CASS4: variants seen among roughly 807,000 people sequenced by gnomAD.
CASS4 encodes Cas scaffold protein family member 4, also known as cas scaffolding protein family member 4.
Under a neutral mutation model 54.2 loss-of-function variants are expected in CASS4, and 22 were observed. The ratio of observed to expected loss-of-function variants is 0.41; its 90% CI spans 0.29 to 0.58. The LOEUF is 0.58. CASS4 is among the 20% of genes least tolerant of loss of function. The pLI is 0.36. For missense variants in CASS4, 854 were observed against 986.7 expected (o/e 0.87, Z 1.80); for synonymous variants, 409 against 391.5 (o/e 1.04, Z -0.53).
intron 1 of CASS4, among the ~76,000 whole-genome samples, chr20:56,425,951 C>T (rs779787409): frequency 6.6e-5 from 10 of 152,208 alleles, no homozygotes; most frequent in African/African-American, 2.2e-4. Context: ...TTTAATACTA[C>T]ATTTTGGAGA....
At chr20:56,421,547 G>T (rs6127748) in intron 1 of CASS4, among the ~76,000 whole-genome samples, 80,433 of 151,940 alleles carry the variant, frequency 0.53, 24,784 homozygotes, top group African/African-American at 0.87. Context: ...ATTTTTAAAA[G>T]TAGCTGGGTT....
rs202007264 is a variant in CASS4 at position 56,412,432 on chromosome 20, T to C, written c.-27T>C. ...AAGCTGGAGATACTAGCTGCAGAGC[T>C]CAGGGGAGCTGCTCCACATCACCGA... On this transcript the variant is annotated 5_prime_UTR_variant, in exon 1 of 6. Coordinates refer to ENST00000679887, the MANE Select transcript of CASS4 (RefSeq NM_020356.4). This position sits in a 1 kb window ranked among gnomAD's most constrained non-coding sequence, Gnocchi z 4.2. 128 of 1,611,258 alleles carry C rather than the reference T, an allele frequency of 7.9e-5. No individual in the cohort carries two copies. The highest frequency in any genetic ancestry group is 8.4e-5 in the Non-Finnish European group (99 of 1,178,774).
chr20:56,412,400 G>T lies in CASS4; in HGVS notation c.-59G>T. 1 of 1,577,404 alleles carries T rather than the reference G, an allele frequency of 6.3e-7. No individual in the cohort carries two copies. The highest frequency in any genetic ancestry group is 1.1e-5 in the South Asian group (1 of 88,470). On this transcript the variant is annotated 5_prime_UTR_variant, in exon 1 of 6. Transcript: ENST00000679887. This position sits in a 1 kb window ranked among gnomAD's most constrained non-coding sequence, Gnocchi z 4.2. ...AGCATGCAGTGACATTGCACAATCT[G>T]CCTCTGAAGCTGGAGATACTAGCTG...
At chr20:56,415,831 G>T (rs1979106609) in intron 1 of CASS4, among the ~76,000 whole-genome samples, 1 of 152,218 alleles carries the variant, frequency 6.6e-6, no homozygotes, top group African/African-American at 2.4e-5. Flanking sequence ...CAGTAGAGCT[G>T]CTTTCACCTT....
rs747506729 is a variant in CASS4 at position 56,445,965 on chromosome 20, C to T, written c.525C>T (p.Asp175=). The T allele has an allele frequency of 2.6e-5, 42 of 1,613,944 alleles. No individual in the cohort carries two copies. The highest frequency in any genetic ancestry group is 5.5e-5 in the South Asian group (5 of 91,088). Residue 175 remains aspartate (D), a synonymous_variant, in exon 3 of 6, where the codon GAC becomes GAT. Coordinates refer to ENST00000679887, the MANE Select transcript of CASS4 (RefSeq NM_020356.4). ...SLPTLPSQVY[D]VPTQHRGPVV... Reference sequence around the variant, plus strand: ...CGACTCTGCCTTCCCAGGTGTATGACGTGCCTACCCAGCACCGGGGCCCCG... The same window carrying T: ...CGACTCTGCCTTCCCAGGTGTATGATGTGCCTACCCAGCACCGGGGCCCCG...
intron 3 of CASS4, among the ~76,000 whole-genome samples, chr20:56,449,446 C>T (rs967385190): frequency 1.3e-5 from 2 of 151,918 alleles, no homozygotes; most frequent in Non-Finnish European, 2.9e-5. Context: ...ACATCACACA[C>T]CGGGGCCTGT....
rs749613094 is a variant in CASS4 at position 56,451,792 on chromosome 20, C to T, written c.643-27C>T. ...CGCCCTCTTTGGAAAGCTACTAACC[C>T]GGCAACTATGTGTGGTTCTCCCACA... is the stretch of plus-strand genomic sequence containing the variant. On this transcript the variant is annotated intron_variant, in intron 4 of 5. Coordinates refer to ENST00000679887, the MANE Select transcript of CASS4 (RefSeq NM_020356.4). The T allele has an allele frequency of 7.1e-5, 112 of 1,566,532 alleles. No individual in the cohort carries two copies. The Admixed American group carries it at 9.6e-4, about 13-fold the overall frequency.
intron 3 of CASS4, among the ~76,000 whole-genome samples, chr20:56,446,283 G>T (rs559452906): frequency 2.6e-5 from 4 of 152,166 alleles, no homozygotes; most frequent in Non-Finnish European, 4.4e-5. Context: ...TTGAGATGGG[G>T]TCTTGCTTTG....
chr20:56,427,922 A>G (rs1979721140), intron 1 of CASS4, among the ~76,000 whole-genome samples: 1 of 152,206 alleles, frequency 6.6e-6, no homozygotes, highest in African/African-American at 2.4e-5. Context: ...GGATCTTAGT[A>G]GAAGAAAAAT....
chr20:56,426,785 C>T (rs2146270372), intron 1 of CASS4, among the ~76,000 whole-genome samples: 1 of 152,218 alleles, frequency 6.6e-6, no homozygotes, highest in African/African-American at 2.4e-5. Flanking sequence ...ACCATGTTTC[C>T]CAGGCTGGTC....
intron 3 of CASS4, among the ~76,000 whole-genome samples, chr20:56,446,829 C>G (rs895485362): frequency 1.6e-4 from 24 of 152,238 alleles, no homozygotes; most frequent in African/African-American, 5.1e-4. Flanking sequence ...GGTGATTGTA[C>G]TGAGCAGCCA....
intron 1 of CASS4, among the ~76,000 whole-genome samples, chr20:56,418,073 T>TCC (rs1979230631): frequency 6.6e-6 from 1 of 152,126 alleles, no homozygotes; most frequent in Admixed American, 6.5e-5. Flanking sequence ...CTCCGGGGGT[T>TCC]CAGGGTGATC....
In CASS4 at chr20:56,442,665, T is replaced by A. The variant is rs974131057; in HGVS notation, c.460-3235T>A. On this transcript the variant is annotated intron_variant, in intron 2 of 5. Transcript: ENST00000679887. ...CTTAATATAATGTGCTGGCCTAATT[T>A]AAAAAAAAAACCCACCACATCAAGA... is the stretch of plus-strand genomic sequence containing the variant. Among the ~76,000 whole-genome samples, 8 of 149,364 alleles carry A rather than the reference T, an allele frequency of 5.4e-5. 1 individual carries two copies. Among genetic ancestry groups the A allele is most frequent in the South Asian group, 2.1e-4 (1 of 4,778 alleles).
At chr20:56,415,335 CCCCA>C (rs1375725745) in intron 1 of CASS4, among the ~76,000 whole-genome samples, 1 of 152,094 alleles carries the variant, frequency 6.6e-6, no homozygotes. Context: ...CGTAGGCCAC[CCCCA>C]CCCACCCACG....
intron 1 of CASS4, among the ~76,000 whole-genome samples, chr20:56,415,205 T>C (rs1979071784): frequency 1.3e-5 from 2 of 152,192 alleles, no homozygotes; most frequent in South Asian, 4.1e-4. Flanking sequence ...CAATCTCTGT[T>C]GCATATGGTT....
chr20:56,425,483 G>A (rs1482911102), intron 1 of CASS4, among the ~76,000 whole-genome samples: 3 of 152,216 alleles, frequency 2.0e-5, no homozygotes, highest in African/African-American at 7.2e-5. Flanking sequence ...TTTGAGGGAT[G>A]GCCAGTGAGA....
At chr20:56,439,658 G>C (rs1980366822) in intron 2 of CASS4, among the ~76,000 whole-genome samples, 1 of 151,950 alleles carries the variant, frequency 6.6e-6, no homozygotes, top group Non-Finnish European at 1.5e-5. Flanking sequence ...CTCCAGCCTG[G>C]GTGACTGACC....
At position 56,454,228 on chromosome 20, in the gene CASS4, T is replaced by C. The variant is rs142952498; in HGVS notation, c.1953+1099T>C. On this transcript the variant is annotated intron_variant, in intron 5 of 5. Transcript: ENST00000679887. ...CAAAAGACAGAAAGAAATACTTTTC[T>C]GGATGAGTTCAGACATTATAGAGCG... Among the ~76,000 whole-genome samples the C allele has an allele frequency of 2.7e-3, 418 of 152,240 alleles. 2 individuals carry two copies. Among genetic ancestry groups the C allele is most frequent in the African/African-American group, 9.4e-3 (390 of 41,532 alleles).
At position 56,412,529 on chromosome 20, in the gene CASS4, C is replaced by T. The variant is rs755597485; in HGVS notation, c.36+35C>T. On this transcript the variant is annotated intron_variant, in intron 1 of 5. Transcript: ENST00000679887. This position sits in a 1 kb window ranked among gnomAD's most constrained non-coding sequence, Gnocchi z 4.2. ...GTGGGGCTGTTTGAATGGGCTCTGG[C>T]GGGGAGCAAGCTGTGATGATTAAGG... 16 of 1,602,856 alleles carry T rather than the reference C, an allele frequency of 1.0e-5. No individual in the cohort carries two copies. In the African/African-American group the frequency reaches 1.1e-4, roughly 11 times the overall value.
Sources: allele counts gnomAD v4.1 joint callset (sites outside exome capture counted in the v4.1 genomes callset), GRCh38; gene constraint gnomAD v4.1.1; non-coding constraint Gnocchi (gnomAD v3.1); transcripts MANE v1.5; gene names NCBI Gene and HGNC (gene_info 2026-07-23, HGNC 2026-07-21).